Variants in CTIF observed in about 807,000 individuals in gnomAD.
CTIF encodes the protein cap binding complex dependent translation initiation factor.
A neutral mutation model predicts 66.0 loss-of-function variants in CTIF; 21 were observed. The observed-to-expected ratio is 0.32, with a 90% CI of 0.23 to 0.46. The LOEUF is 0.46. Ranked by LOEUF, CTIF falls within the 20% of genes least tolerant of loss-of-function variation. The pLI, the probability that CTIF is intolerant of heterozygous loss-of-function variation, is 1.00. For synonymous variants in CTIF, 345 were observed against 326.4 expected, an observed-to-expected ratio of 1.06 and a Z score of -0.62; for missense variants, 739 against 812.7, an observed-to-expected ratio of 0.91 and a Z score of 1.10.
At chr18:48,743,235 A>G (rs1483267503) in intron 7 of CTIF, among the ~76,000 whole-genome samples, 1 of 152,178 alleles carries the variant, frequency 6.6e-6, no homozygotes, top group East Asian at 1.9e-4. Context: ...CTGGAGGCAG[A>G]CAGAGCCCAA....
At chr18:48,807,057 G>A (rs2068161707) in intron 9 of CTIF, among the ~76,000 whole-genome samples, 1 of 152,222 alleles carries the variant, frequency 6.6e-6, no homozygotes, top group African/African-American at 2.4e-5. Context: ...GAGGTTAGGG[G>A]CAGAGCTAGA....
intron 1 of CTIF, among the ~76,000 whole-genome samples, chr18:48,570,208 C>T (rs1051631057): frequency 3.3e-5 from 5 of 152,168 alleles, no homozygotes; most frequent in Non-Finnish European, 7.3e-5. Context: ...ATCAGAAAAG[C>T]ACACATGAGG....
chr18:48,858,041 A>C (rs2279474), intron 11 of CTIF, among the ~76,000 whole-genome samples: 92,644 of 152,200 alleles, frequency 0.61, 30,573 homozygotes, highest in African/African-American at 0.87. Context: ...CCGAAAGCAC[A>C]CCTCTTGGGA....
chr18:48,698,034 T>A (rs956345994), intron 6 of CTIF, among the ~76,000 whole-genome samples: 1 of 133,700 alleles, frequency 7.5e-6, no homozygotes, highest in Non-Finnish European at 1.5e-5. Flanking sequence ...CCAGGAACCA[T>A]GTGGCACTGC....
chr18:48,774,771 G>A (rs1467873941), intron 9 of CTIF, among the ~76,000 whole-genome samples: 7 of 152,158 alleles, frequency 4.6e-5, no homozygotes, highest in South Asian at 4.1e-4. Context: ...CCAGTTTTCC[G>A]TAGAGCAAAG....
chr18:48,626,656 GTTT>G (rs61179877), intron 2 of CTIF, among the ~76,000 whole-genome samples: 1 of 108,058 alleles, frequency 9.3e-6, no homozygotes, highest in Admixed American at 9.6e-5. Context: ...TTTTTTTTTT[GTTT>G]TTTTTTTTTT....
At chr18:48,798,929 C>G (rs963669106) in intron 9 of CTIF, among the ~76,000 whole-genome samples, 2 of 152,174 alleles carry the variant, frequency 1.3e-5, no homozygotes, top group Non-Finnish European at 2.9e-5. Flanking sequence ...AACCAATGAG[C>G]CGACCGAAAA....
intron 3 of CTIF, among the ~76,000 whole-genome samples, chr18:48,659,895 T>G (rs2091312392): frequency 6.6e-6 from 1 of 152,192 alleles, no homozygotes; most frequent in African/African-American, 2.4e-5. Flanking sequence ...TTTCTTGTCA[T>G]TTAAATATGG....
intron 7 of CTIF, among the ~76,000 whole-genome samples, chr18:48,717,060 A>G (rs929702316): frequency 2.6e-5 from 4 of 152,148 alleles, no homozygotes; most frequent in African/African-American, 9.7e-5. Flanking sequence ...CTGTCCTGCG[A>G]TTGACCGTGA....
At chr18:48,811,469 A>C (rs1162692451) in intron 9 of CTIF, among the ~76,000 whole-genome samples, 2 of 152,234 alleles carry the variant, frequency 1.3e-5, no homozygotes, top group Admixed American at 1.3e-4. Context: ...CTAAGTGTAC[A>C]GTTCAATAGT....
chr18:48,542,559 A>G (rs1390588770), intron 1 of CTIF, among the ~76,000 whole-genome samples: 1 of 152,242 alleles, frequency 6.6e-6, no homozygotes, highest in Non-Finnish European at 1.5e-5. Context: ...AATGTTTATG[A>G]AGCACCAGCC....
chr18:48,672,084 T>C (rs549980263), intron 6 of CTIF, among the ~76,000 whole-genome samples: 127 of 137,766 alleles, frequency 9.2e-4, no homozygotes, highest in Non-Finnish European at 1.7e-3. Flanking sequence ...ATAATGCTCC[T>C]GGCTTGACTG....
chr18:48,697,311 G>A (rs1215036853), intron 6 of CTIF, among the ~76,000 whole-genome samples: 1 of 152,236 alleles, frequency 6.6e-6, no homozygotes, highest in East Asian at 1.9e-4. Flanking sequence ...GTTTGGGGAG[G>A]CAAGCATTTA....
chr18:48,784,858 C>A (rs974015517), intron 9 of CTIF, among the ~76,000 whole-genome samples: 1 of 152,224 alleles, frequency 6.6e-6, no homozygotes, highest in Non-Finnish European at 1.5e-5. Flanking sequence ...CATTCATGCA[C>A]GTGTACATGT....
At chr18:48,671,363 G>T (rs2091531713) in intron 6 of CTIF, among the ~76,000 whole-genome samples, 1 of 152,188 alleles carries the variant, frequency 6.6e-6, no homozygotes, top group African/African-American at 2.4e-5. Flanking sequence ...TGCTGCAGGG[G>T]TGTAAAAGCA....
chr18:48,814,106 G>T (rs1419348347), intron 9 of CTIF, among the ~76,000 whole-genome samples: 1 of 152,228 alleles, frequency 6.6e-6, no homozygotes, highest in Non-Finnish European at 1.5e-5. Context: ...TCTGGGAGGA[G>T]TCTGCTGGGG....
chr18:48,793,161 C>T (rs1039212778), intron 9 of CTIF, among the ~76,000 whole-genome samples: 19 of 152,128 alleles, frequency 1.2e-4, no homozygotes, highest in African/African-American at 4.6e-4. Flanking sequence ...GCCTCTGCCC[C>T]CTCCCTGGGA....
At chr18:48,807,239 G>C (rs1457011601) in intron 9 of CTIF, among the ~76,000 whole-genome samples, 1 of 152,212 alleles carries the variant, frequency 6.6e-6, no homozygotes, top group Non-Finnish European at 1.5e-5. Flanking sequence ...CTGACTGGCA[G>C]ATTACCAGAA....
intron 7 of CTIF, among the ~76,000 whole-genome samples, chr18:48,744,915 C>A (rs921963893): frequency 6.6e-6 from 1 of 151,880 alleles, no homozygotes; most frequent in Non-Finnish European, 1.5e-5. Flanking sequence ...CTCCGCCTCC[C>A]GGATTCATGC....
Sources: gnomAD v4.1 joint callset for allele counts (sites outside exome capture counted in the v4.1 genomes callset) on GRCh38, gnomAD v4.1.1 for gene constraint, MANE v1.5 for transcripts, NCBI Gene and HGNC (gene_info 2026-07-23, HGNC 2026-07-21) for gene names.